MTUS2: variants seen among roughly 807,000 people sequenced by gnomAD.
The protein encoded by MTUS2 is microtubule-associated tumor suppressor candidate 2.
MTUS2 carries 40 observed loss-of-function variants against 114.1 expected under a neutral mutation model. The ratio of observed to expected loss-of-function variants is 0.35; its 90% confidence interval spans 0.27 to 0.46. The LOEUF is 0.46. MTUS2 is among the 20% of genes least tolerant of loss of function. The pLI, the probability that MTUS2 is intolerant of heterozygous loss-of-function variation, is 1.00. For synonymous variants in MTUS2, 688 were observed against 672.0 expected, an observed-to-expected ratio of 1.02 and a Z score of -0.37; for missense variants, 1,679 against 1,705.4, an observed-to-expected ratio of 0.98 and a Z score of 0.27.
In MTUS2 at chr13:29,480,218, G is replaced by A. The variant is rs776367111; in HGVS notation, c.3253G>A (p.Glu1085Lys). The A allele has an allele frequency of 2.4e-5, 38 of 1,555,188 alleles. 1 individual carries two copies. The South Asian group carries it at 2.5e-4, about 10-fold the overall frequency. The change falls in exon 10 of 16, where the codon GAG becomes AAG. Residue 1085 changes from glutamate to lysine, a missense_variant. Physicochemically the swap from Glu to Lys is moderately conservative, Grantham distance 56. This residue lies in a region of MTUS2 where 822 missense variants were observed against 899.7 expected (regional missense o/e 0.91). Transcript: ENST00000612955. The surrounding 1 kb of genome is among the most constrained non-coding windows in gnomAD (Gnocchi z 4.4). Reference sequence around the variant, plus strand: ...GGAGCTGGAGAGGCGGTTCGAGGACGAGGTGAAGAGGCTGGGCTGGCAGCA... The same window carrying A: ...GGAGCTGGAGAGGCGGTTCGAGGACAAGGTGAAGAGGCTGGGCTGGCAGCA... ...KEELERRFEDEVKRLGWQQQA... is the reference protein window; with the variant it reads ...KEELERRFEDKVKRLGWQQQA...
At position 28,869,554 on chromosome 13, in the gene MTUS2, C is replaced by T. The variant is rs1360315902; in HGVS notation, c.-243+29704C>T. 3.3e-5 allele frequency among the ~76,000 whole-genome samples: 5 copies of T among 152,148 alleles called. No homozygotes were observed. In the East Asian group the frequency reaches 5.8e-4, roughly 18 times the overall value. On this transcript the variant is annotated intron_variant, in intron 2 of 15. Coordinates refer to ENST00000612955, the MANE Select transcript of MTUS2 (RefSeq NM_001033602.4). Reference sequence around the variant, plus strand: ...TTGGGAGGCTGAGGTGGGTGGATCACGGGGTCAAGAAATAGAGACCATTCT... The same window carrying T: ...TTGGGAGGCTGAGGTGGGTGGATCATGGGGTCAAGAAATAGAGACCATTCT...
At chr13:29,247,210 A>C (rs888271324) in intron 5 of MTUS2, among the ~76,000 whole-genome samples, 4 of 152,254 alleles carry the variant, frequency 2.6e-5, no homozygotes, top group Non-Finnish European at 5.9e-5. Context: ...TTGGCAAGCC[A>C]CATGCAGAAG....
chr13:29,208,322 C>G (rs1224186938), intron 5 of MTUS2, among the ~76,000 whole-genome samples: 1 of 151,884 alleles, frequency 6.6e-6, no homozygotes, highest in Middle Eastern at 3.2e-3. Flanking sequence ...CTTTTCTCTT[C>G]TTTTCTTGGT....
chr13:29,157,978 A>G (rs1215157385), intron 5 of MTUS2, among the ~76,000 whole-genome samples: 1 of 152,214 alleles, frequency 6.6e-6, no homozygotes, highest in African/African-American at 2.4e-5. Context: ...TTCTAAAGAA[A>G]TATGGAAAAT....
chr13:29,041,678 A>G (rs1887368005), intron 4 of MTUS2, among the ~76,000 whole-genome samples: 2 of 151,560 alleles, frequency 1.3e-5, no homozygotes, highest in South Asian at 4.1e-4. Flanking sequence ...TAGGTGTAAT[A>G]TACTCCTGAA....
intron 7 of MTUS2, among the ~76,000 whole-genome samples, chr13:29,335,893 C>T (rs1393119270): frequency 1.3e-5 from 2 of 152,122 alleles, no homozygotes; most frequent in African/African-American, 4.8e-5. Flanking sequence ...CCTTTTCATT[C>T]TTTTTTCTCT....
At chr13:28,827,890 A>T (rs1254922775) in intron 1 of MTUS2, among the ~76,000 whole-genome samples, 1 of 152,238 alleles carries the variant, frequency 6.6e-6, no homozygotes, top group Non-Finnish European at 1.5e-5. Context: ...GTGAGATCAC[A>T]GGACCGGGGT....
intron 2 of MTUS2, among the ~76,000 whole-genome samples, chr13:28,922,790 T>C (rs1593302585): frequency 6.6e-6 from 1 of 152,320 alleles, no homozygotes; most frequent in East Asian, 1.9e-4. Context: ...AACCAGGTAC[T>C]ATGAGTGTTG....
chr13:28,899,066 A>G (rs7333419), intron 2 of MTUS2, among the ~76,000 whole-genome samples: 2,873 of 152,298 alleles, frequency 0.019, 99 homozygotes, highest in African/African-American at 0.066. Context: ...TCTTCAGGCA[A>G]TAAATACATT....
chr13:28,950,165 T>C (rs1882739430), intron 2 of MTUS2, among the ~76,000 whole-genome samples: 2 of 152,212 alleles, frequency 1.3e-5, no homozygotes, highest in Non-Finnish European at 2.9e-5. Context: ...CCGGTGACAT[T>C]TTATGGTTTT....
At chr13:29,192,335 A>G (rs1481019978) in intron 5 of MTUS2, among the ~76,000 whole-genome samples, 1 of 152,218 alleles carries the variant, frequency 6.6e-6, no homozygotes, top group Non-Finnish European at 1.5e-5. Context: ...ATATGTGGAA[A>G]CTAAAGAAAA....
chr13:29,400,208 T>G (rs778494276), intron 8 of MTUS2, among the ~76,000 whole-genome samples: 76 of 152,002 alleles, frequency 5.0e-4, no homozygotes, highest in Non-Finnish European at 9.1e-4. Flanking sequence ...AACTTGAAAA[T>G]GAGGAAAATA....
At position 29,280,974 on chromosome 13, in the gene MTUS2, C is replaced by T. The variant is rs79223730; in HGVS notation, c.2645-730C>T. 3.1e-3 allele frequency among the ~76,000 whole-genome samples: 465 copies of T among 152,342 alleles called. 1 individual carries two copies. Among genetic ancestry groups the T allele is most frequent in the Middle Eastern group, 0.014 (4 of 294 alleles). On this transcript the variant is annotated intron_variant, in intron 5 of 15. Coordinates refer to ENST00000612955, the MANE Select transcript of MTUS2 (RefSeq NM_001033602.4). ...CAAACACAATCCCAGTATGCCATAT[C>T]TTCAGAGTCTCAGAGCAGTGGATTA...
chr13:29,252,593 C>A (rs1566092089), intron 5 of MTUS2, among the ~76,000 whole-genome samples: 1 of 152,114 alleles, frequency 6.6e-6, no homozygotes, highest in Non-Finnish European at 1.5e-5. Flanking sequence ...TGGCTGTGTC[C>A]TCACCCAAAT....
intron 2 of MTUS2, among the ~76,000 whole-genome samples, chr13:28,942,168 T>C (rs774814857): frequency 2.6e-5 from 4 of 152,072 alleles, no homozygotes; most frequent in Non-Finnish European, 4.4e-5. Context: ...AATAGAAATA[T>C]CAGCAAAAGA....
chr13:29,111,466 G>A (rs1224377915), intron 5 of MTUS2, among the ~76,000 whole-genome samples: 1 of 152,186 alleles, frequency 6.6e-6, no homozygotes, highest in African/African-American at 2.4e-5. Context: ...ATGCAAGGAG[G>A]TGGAAAGGAA....
Position 29,498,465 on chromosome 13 carries a change from G to A in MTUS2, c.3726G>A (p.Leu1242=), listed in dbSNP as rs1488665690. 6 of 1,614,116 alleles carry A rather than the reference G, an allele frequency of 3.7e-6. No individual in the cohort carries two copies. In the African/African-American group the frequency reaches 8.0e-5, roughly 22 times the overall value. ...ACTTGGAAGAAGACATGAAGAGTCTGAAGCAGGTATTAGAAATGAAGAATC... is the reference window on the plus strand; with the variant it reads ...ACTTGGAAGAAGACATGAAGAGTCTAAAGCAGGTATTAGAAATGAAGAATC... ...YQHLEEDMKS[L]KQVLEMKNQQ... Residue 1242 remains leucine, a synonymous_variant, in exon 14 of 16, where the codon CTG becomes CTA. Transcript: ENST00000612955.
intron 7 of MTUS2, among the ~76,000 whole-genome samples, chr13:29,357,785 T>A (rs899911708): frequency 6.6e-6 from 1 of 152,236 alleles, no homozygotes; most frequent in African/African-American, 2.4e-5. Flanking sequence ...GTCAGAATAA[T>A]TTACGATATG....
At chr13:29,296,100 G>A (rs936484049) in intron 6 of MTUS2, among the ~76,000 whole-genome samples, 1 of 152,126 alleles carries the variant, frequency 6.6e-6, no homozygotes, top group African/African-American at 2.4e-5. Context: ...CATAAATTTG[G>A]GAGTGCAGAT....
Sources: gnomAD v4.1 joint callset for allele counts (sites outside exome capture counted in the v4.1 genomes callset) on GRCh38, gnomAD v4.1.1 for gene constraint, gnomAD v4.1.1 regional missense constraint, Gnocchi (gnomAD v3.1) non-coding constraint, MANE v1.5 for transcripts, NCBI Gene and HGNC (gene_info 2026-07-23, HGNC 2026-07-21) for gene names.